Variants in PPP1R9A observed in about 807,000 individuals in gnomAD.
PPP1R9A encodes the protein protein phosphatase 1 regulatory subunit 9A, also known as neurabin-1.
Under a neutral mutation model 141.9 loss-of-function variants are expected in PPP1R9A, and 59 were observed. The ratio of observed to expected loss-of-function variants is 0.42; its 90% CI spans 0.34 to 0.52. The LOEUF is 0.52. Among genes scored for constraint, PPP1R9A ranks in the 20% least tolerant of loss-of-function variants. The probability of loss-of-function intolerance (pLI) is 0.10; values close to 1 mark genes in which losing one functional copy is unlikely to be tolerated. For synonymous variants in PPP1R9A, 500 were observed against 569.7 expected (o/e 0.88, Z 1.74); for missense variants, 1,444 against 1,611.9 (o/e 0.90, Z 1.78).
intron 7 of PPP1R9A, among the ~76,000 whole-genome samples, chr7:95,222,601 A>T (rs1244548526): frequency 6.6e-6 from 1 of 152,052 alleles, no homozygotes; most frequent in Non-Finnish European, 1.5e-5. Context: ...TACCCAAAAA[A>T]CTGTTACTGC....
chr7:95,028,103 G>A (rs1016115108), intron 2 of PPP1R9A, among the ~76,000 whole-genome samples: 3 of 152,022 alleles, frequency 2.0e-5, no homozygotes, highest in Admixed American at 6.6e-5. Context: ...ATCACCAAAG[G>A]TTCTTCTGTG....
At chr7:95,211,054 G>A (rs767767843) in intron 7 of PPP1R9A, among the ~76,000 whole-genome samples, 22 of 151,718 alleles carry the variant, frequency 1.5e-4, no homozygotes, top group Non-Finnish European at 2.5e-4. Context: ...GTAGATGACC[G>A]GTTGATGGGT....
chr7:95,022,835 G>T lies in PPP1R9A; in HGVS notation c.1396-88424G>T, dbSNP rs552053378. 5.1e-3 allele frequency among the ~76,000 whole-genome samples: 783 copies of T among 152,258 alleles called. 8 individuals are homozygous for T. The highest frequency in any genetic ancestry group is 0.017 in the African/African-American group (725 of 41,542). On this transcript the variant is annotated intron_variant, in intron 2 of 19. Coordinates refer to ENST00000433360, the MANE Select transcript of PPP1R9A (RefSeq NM_001166160.2). ...TGCATCTCAGGGATGAAGCCAACTT[G>T]ATCGTGGTGGATAAGCTTTTTGATG...
Position 95,208,511 on chromosome 7 carries a change from T to A in PPP1R9A, c.1956+4781T>A, listed in dbSNP as rs575625998. On this transcript the variant is annotated intron_variant, in intron 7 of 19. Coordinates refer to ENST00000433360, the MANE Select transcript of PPP1R9A (RefSeq NM_001166160.2). ...AGGCTGAGGCAGGTGGATCACGAGG[T>A]CAGGAGATTGAGACCATCCTGGCTA... Among the ~76,000 whole-genome samples the A allele has an allele frequency of 2.1e-4, 32 of 151,814 alleles. No individual in the cohort carries two copies. The East Asian group carries it at 5.4e-3, about 26-fold the overall frequency.
intron 2 of PPP1R9A, among the ~76,000 whole-genome samples, chr7:94,960,638 T>C (rs1050004500): frequency 6.6e-6 from 1 of 151,742 alleles, no homozygotes; most frequent in Admixed American, 6.6e-5. Context: ...AGGTAAGTAA[T>C]ATTAATCCCT....
At chr7:95,121,606 A>G (rs1048271545) in intron 4 of PPP1R9A, among the ~76,000 whole-genome samples, 29 of 152,192 alleles carry the variant, frequency 1.9e-4, no homozygotes, top group Middle Eastern at 6.8e-3. Flanking sequence ...TTGTGCTGCT[A>G]TGGCAGAATA....
At chr7:94,913,791 G>C (rs931781382) in intron 2 of PPP1R9A, among the ~76,000 whole-genome samples, 6 of 152,102 alleles carry the variant, frequency 3.9e-5, no homozygotes, top group Non-Finnish European at 4.4e-5. Flanking sequence ...CTTATCATGT[G>C]TGTTCTCTCA....
intron 14 of PPP1R9A, 31 bp from the exon 15 acceptor site, chr7:95,273,868 T>C (rs759346482): frequency 6.9e-7 from 1 of 1,444,524 alleles, no homozygotes; most frequent in East Asian, 2.4e-5. Flanking sequence ...ATAATAATAA[T>C]TGATCTTTTT....
At chr7:95,130,707 C>T (rs1258960411) in intron 4 of PPP1R9A, among the ~76,000 whole-genome samples, 1 of 152,172 alleles carries the variant, frequency 6.6e-6, no homozygotes, top group Non-Finnish European at 1.5e-5. Flanking sequence ...CTTCCCAAAA[C>T]CACAGGAACC....
intron 5 of PPP1R9A, among the ~76,000 whole-genome samples, chr7:95,172,030 T>C (rs1832191150): frequency 6.6e-6 from 1 of 151,682 alleles, no homozygotes; most frequent in Non-Finnish European, 1.5e-5. Context: ...GTAAAAGTCA[T>C]TTGTTCTTCT....
Position 95,250,195 on chromosome 7 carries a change from A to G in PPP1R9A, c.2336A>G (p.Tyr779Cys). ...NEHLKETQSQ[Y>C]QALEKKYNKA... ...CATCTCAAAGAGACTCAAAGCCAGT[A>G]TCAGGCCTTGGAAAAGAAATACAAC... The change falls in exon 10 of 20, where the codon TAT (tyrosine) becomes TGT (cysteine). Residue 779 changes from tyrosine (Y) to cysteine (C), a missense_variant. Physicochemically the swap from Tyr to Cys is radical, Grantham distance 194. Transcript: ENST00000433360. The G allele has an allele frequency of 6.2e-7, 1 of 1,613,906 alleles. No homozygotes were observed. The highest frequency in any genetic ancestry group is 8.5e-7 in the Non-Finnish European group (1 of 1,179,922).
At chr7:94,990,162 C>G (rs1040763270) in intron 2 of PPP1R9A, among the ~76,000 whole-genome samples, 1 of 151,998 alleles carries the variant, frequency 6.6e-6, no homozygotes, top group Non-Finnish European at 1.5e-5. Flanking sequence ...TTAGTTTATT[C>G]CCTTTTTGTA....
chr7:94,911,321 T>G lies in PPP1R9A; in HGVS notation c.1208T>G (p.Val403Gly). 6.2e-7 allele frequency: 1 copy of G among 1,614,004 alleles called. No homozygotes were observed. The highest frequency in any genetic ancestry group is 8.5e-7 in the Non-Finnish European group (1 of 1,180,000). ...SHVYMHSDYN[V>G]YRVRSRYNSD... is the part of the protein sequence containing the mutation. Reference sequence around the variant, plus strand: ...GTGTACATGCACAGTGACTATAATGTGTATAGGGTGAGATCCAGGTATAAT... The same window carrying G: ...GTGTACATGCACAGTGACTATAATGGGTATAGGGTGAGATCCAGGTATAAT... The change falls in exon 2 of 20, where the codon GTG (valine) becomes GGG (glycine). Residue 403 changes from valine to glycine, a missense_variant. This residue lies in a region of PPP1R9A where 490 missense variants were observed against 521.1 expected (regional missense o/e 0.94). Coordinates refer to ENST00000433360, the MANE Select transcript of PPP1R9A (RefSeq NM_001166160.2).
rs1043778185 is a variant in PPP1R9A at position 95,039,860 on chromosome 7, A to G, written c.1396-71399A>G. Among the ~76,000 whole-genome samples the G allele has an allele frequency of 2.6e-4, 40 of 152,260 alleles. 1 individual carries two copies. Among genetic ancestry groups the G allele is most frequent in the Middle Eastern group, 3.4e-3 (1 of 294 alleles). On this transcript the variant is annotated intron_variant, in intron 2 of 19. Transcript: ENST00000433360. ...AAAAATATTTGAAGTGATAATGGCT[A>G]ACAACTTTCTAAAATTAATGACAGA...
intron 6 of PPP1R9A, among the ~76,000 whole-genome samples, chr7:95,202,951 TTTTAAGATATAGTATTTG>T (rs1190165621): frequency 3.8e-4 from 58 of 152,098 alleles, no homozygotes; most frequent in Non-Finnish European, 5.9e-5. Context: ...TTAAATATTC[TTTTAAGATATAGTATTTG>T]TTACATTGTA....
chr7:95,132,643 T>C (rs1173267573), intron 4 of PPP1R9A, among the ~76,000 whole-genome samples: 1 of 152,106 alleles, frequency 6.6e-6, no homozygotes, highest in Non-Finnish European at 1.5e-5. Flanking sequence ...GCTGGAAATC[T>C]CTGCGGCCGA....
intron 2 of PPP1R9A, among the ~76,000 whole-genome samples, chr7:95,045,765 C>G (rs1001902550): frequency 2.0e-5 from 3 of 151,938 alleles, no homozygotes; most frequent in African/African-American, 7.3e-5. Flanking sequence ...CCTGCTCATG[C>G]CTAACTACCT....
intron 2 of PPP1R9A, among the ~76,000 whole-genome samples, chr7:94,991,324 T>G (rs1480518609): frequency 6.6e-6 from 1 of 152,228 alleles, no homozygotes; most frequent in Non-Finnish European, 1.5e-5. Context: ...TGTTTGTCTT[T>G]TTTAGGGAAA....
At position 94,980,073 on chromosome 7, in the gene PPP1R9A, A is replaced by G. The variant is rs531193908; in HGVS notation, c.1395+68565A>G. ...ATGCTTGTTCTTAAAATTTGGCCAC[A>G]ACTCTACACTCTAAGCTGGGGTGTC... On this transcript the variant is annotated intron_variant, in intron 2 of 19. Coordinates refer to ENST00000433360, the MANE Select transcript of PPP1R9A (RefSeq NM_001166160.2). Among the ~76,000 whole-genome samples the G allele has an allele frequency of 8.5e-5, 13 of 152,052 alleles. 1 individual carries two copies. Among genetic ancestry groups the G allele is most frequent in the Admixed American group, 7.9e-4 (12 of 15,258 alleles).
Sources: gnomAD v4.1 joint callset for allele counts (sites outside exome capture counted in the v4.1 genomes callset) on GRCh38, gnomAD v4.1.1 for gene constraint, gnomAD v4.1.1 regional missense constraint, MANE v1.5 for transcripts, NCBI Gene and HGNC (gene_info 2026-07-23, HGNC 2026-07-21) for gene names.